STAT3: variants seen among roughly 807,000 people sequenced by gnomAD.
The protein encoded by STAT3 is DNA-binding protein APRF.
In STAT3, 7 loss-of-function variants were observed where a neutral mutation model predicts 114.3. The observed-to-expected ratio is 0.06, with a 90% CI of 0.03 to 0.11. The LOEUF is 0.11. Ranked by LOEUF, STAT3 falls within the 10% of genes least tolerant of loss-of-function variation. The pLI, the probability that STAT3 is intolerant of heterozygous loss-of-function variation, is 1.00. For synonymous variants in STAT3, 331 were observed against 354.5 expected (o/e 0.93, Z 0.74); for missense variants, 364 against 960.9 (o/e 0.38, Z 8.21).
chr17:42,313,975 G>A lies in STAT3; in HGVS notation c.*1770C>T, dbSNP rs2081164488. On this transcript the variant is annotated 3_prime_UTR_variant, in exon 24 of 24. Coordinates refer to ENST00000264657, the MANE Select transcript of STAT3 (RefSeq NM_139276.3). ...AATTCCACAGAAACTCTGATCAGCT[G>A]AGGCAAGGTGGTTTTGAGTTGCCAA... is the stretch of plus-strand genomic sequence containing the variant. 4.3e-6 allele frequency: 1 copy of A among 231,158 alleles called. No homozygotes were observed. The allele number at this position is 231,158 out of a possible 1,614,324, so 14.3% of individuals were successfully genotyped here. A position where few individuals can be genotyped will look rare whatever the true frequency, so the allele number is the denominator to read the frequency against.
chr17:42,329,427 C>T lies in STAT3; in HGVS notation c.1264G>A (p.Gly422Ser), dbSNP rs1220754190. 8 of 1,614,018 alleles carry T rather than the reference C, an allele frequency of 5.0e-6. No homozygotes were observed. Among genetic ancestry groups the T allele is most frequent in the Admixed American group, 3.3e-5 (2 of 60,008 alleles). ...AAACTTACATCACAATTGGCTCGGC[C>T]CCCATTCCCACATCTCTGCTCCCTC... Reference protein sequence around the residue: ...TLREQRCGNGGRANCDASLIV... With the variant: ...TLREQRCGNGSRANCDASLIV... The change falls in exon 14 of 24, where the codon GGC (glycine) becomes AGC (serine). Residue 422 changes from glycine to serine, a missense_variant. Physicochemically the swap from Gly to Ser is moderately conservative, Grantham distance 56 (BLOSUM62 0). Around this residue, in one of 5 missense-constraint regions of STAT3, gnomAD observed 294 missense variants for 745.1 expected, o/e 0.39. Transcript: ENST00000264657.
intron 4 of STAT3, among the ~76,000 whole-genome samples, chr17:42,340,521 ATT>A (rs113949150): frequency 7.0e-5 from 10 of 143,240 alleles, no homozygotes; most frequent in East Asian, 2.0e-4. Flanking sequence ...AAAAAAAAAA[ATT>A]TTTTTTTAAC....
At chr17:42,379,927 A>G (rs2084680507) in intron 1 of STAT3, among the ~76,000 whole-genome samples, 1 of 152,146 alleles carries the variant, frequency 6.6e-6, no homozygotes, top group Non-Finnish European at 1.5e-5. Context: ...TCTGCTAATT[A>G]TTCTTTCTCT....
chr17:42,314,796 C>T lies in STAT3; in HGVS notation c.*949G>A, dbSNP rs1598376302. The stretch of plus-strand genomic sequence containing the variant: ...CCGTTTCAGGGATTATATAAATTAC[C>T]AGCCTGAAGGAAGCTGAATGCTTAA... On this transcript the variant is annotated 3_prime_UTR_variant, in exon 24 of 24. Coordinates refer to ENST00000264657, the MANE Select transcript of STAT3 (RefSeq NM_139276.3). The T allele has an allele frequency of 4.8e-6, 1 of 208,792 alleles. No individual in the cohort carries two copies. The highest frequency in any genetic ancestry group is 2.3e-5 in the African/African-American group (1 of 43,916). The allele number at this position is 208,792 out of a possible 1,614,324, so 12.9% of individuals were successfully genotyped here.
intron 1 of STAT3, among the ~76,000 whole-genome samples, chr17:42,367,136 C>T (rs187199203): frequency 1.3e-5 from 2 of 151,364 alleles, no homozygotes; most frequent in Admixed American, 6.6e-5. Flanking sequence ...AGCGAGACTC[C>T]GTCTCAAAAA....
chr17:42,322,572 T>A, intron 20 of STAT3, 78 bp from the exon 21 acceptor site: 1 of 1,527,402 alleles, frequency 6.5e-7, no homozygotes, highest in East Asian at 2.2e-5. Flanking sequence ...ATTTTTTCTT[T>A]CCTCGAAGGG....
chr17:42,382,887 C>T (rs1442275815), intron 1 of STAT3, among the ~76,000 whole-genome samples: 1 of 152,006 alleles, frequency 6.6e-6, no homozygotes, highest in Non-Finnish European at 1.5e-5. Flanking sequence ...ACCTCGTGAT[C>T]CGCCCACAGC....
chr17:42,322,213 C>T, intron 21 of STAT3, 69 bp downstream of exon 21: 1 of 1,480,294 alleles, frequency 6.8e-7, no homozygotes, highest in Non-Finnish European at 9.4e-7. Flanking sequence ...GCCTATCTAT[C>T]CTCCAAGGAT....
At chr17:42,363,532 C>G (rs2083620831) in intron 1 of STAT3, among the ~76,000 whole-genome samples, 1 of 152,140 alleles carries the variant, frequency 6.6e-6, no homozygotes, top group African/African-American at 2.4e-5. Flanking sequence ...CAGCCTCAAC[C>G]TCCTGGGCTC....
intron 21 of STAT3, 50 bp from the exon 22 acceptor site, chr17:42,317,274 T>A (rs2081290763): frequency 6.2e-7 from 1 of 1,601,834 alleles, no homozygotes; most frequent in Non-Finnish European, 8.5e-7. Flanking sequence ...TCGCATTCAG[T>A]AAGCAGAGCT....
At chr17:42,353,594 A>C (rs1212851940) in intron 1 of STAT3, among the ~76,000 whole-genome samples, 2 of 152,150 alleles carry the variant, frequency 1.3e-5, no homozygotes, top group Non-Finnish European at 1.5e-5. Flanking sequence ...TTATTTTTTG[A>C]GACAGGGTCT....
chr17:42,361,133 G>T (rs2083486466), intron 1 of STAT3, among the ~76,000 whole-genome samples: 1 of 152,070 alleles, frequency 6.6e-6, no homozygotes, highest in South Asian at 2.1e-4. Flanking sequence ...AAGATGCCTG[G>T]GAACCAAACC....
intron 1 of STAT3, among the ~76,000 whole-genome samples, chr17:42,367,529 C>T (rs1464449548): frequency 6.6e-6 from 1 of 152,000 alleles, no homozygotes; most frequent in Non-Finnish European, 1.5e-5. Context: ...ACACCTTGCC[C>T]GTTTCTGCCC....
At chr17:42,358,531 C>T (rs2083340627) in intron 1 of STAT3, among the ~76,000 whole-genome samples, 1 of 152,166 alleles carries the variant, frequency 6.6e-6, no homozygotes, top group South Asian at 2.1e-4. Context: ...CTGAGCTCTA[C>T]AAAAACTAAA....
chr17:42,376,308 G>C (rs189530840), intron 1 of STAT3, among the ~76,000 whole-genome samples: 2 of 152,288 alleles, frequency 1.3e-5, no homozygotes, highest in Admixed American at 6.5e-5. Flanking sequence ...ATCAGAATTT[G>C]AGAAAGTTTG....
intron 15 of STAT3, 192 bp from the exon 16 acceptor site, chr17:42,325,253 C>G (rs2081655504): frequency 1.7e-6 from 1 of 588,256 alleles, no homozygotes; most frequent in Non-Finnish European, 3.1e-6. Context: ...CCCAGCGTGG[C>G]CACACAACTC....
intron 10 of STAT3, among the ~76,000 whole-genome samples, chr17:42,332,781 A>C (rs909753251): frequency 2.0e-5 from 3 of 152,016 alleles, no homozygotes; most frequent in African/African-American, 7.2e-5. Context: ...TGGAGGTTGC[A>C]GTGAGTTGAG....
rs56270394 is a variant in STAT3 at position 42,339,113 on chromosome 17, G to A, written c.468+201C>T. On this transcript the variant is annotated intron_variant, in intron 5 of 23. Coordinates refer to ENST00000264657, the MANE Select transcript of STAT3 (RefSeq NM_139276.3). ...ACAAATTTTTTTTTTTTAATTAGCT[G>A]GGCGTGGTGGTGCATGCCTGTGGTC... Among the ~76,000 whole-genome samples, 6,544 of 151,660 alleles carry A rather than the reference G, an allele frequency of 0.043. 442 individuals are homozygous for A. Among genetic ancestry groups the A allele is most frequent in the African/African-American group, 0.15 (6,175 of 41,282 alleles).
chr17:42,329,528 T>G, intron 13 of STAT3, 26 bp downstream of exon 13: 2 of 1,614,158 alleles, frequency 1.2e-6, no homozygotes, highest in East Asian at 2.2e-5. Flanking sequence ...AGAGGCCCTT[T>G]GTGAAGGGGA....
Sources: gnomAD v4.1 joint callset for allele counts (sites outside exome capture counted in the v4.1 genomes callset) on GRCh38, gnomAD v4.1.1 for gene constraint, gnomAD v4.1.1 regional missense constraint, MANE v1.5 for transcripts, NCBI Gene and HGNC (gene_info 2026-07-23, HGNC 2026-07-21) for gene names.